The following DNAH5 variants were observed in gnomAD, a reference collection of about 807,000 sequenced individuals.
DNAH5 encodes the protein axonemal beta dynein heavy chain 5.
DNAH5 carries 372 observed loss-of-function variants against 518.2 expected under a neutral mutation model. That is an observed-to-expected ratio of 0.72 (90% CI 0.66 to 0.78). The LOEUF (loss-of-function observed/expected upper bound fraction) is 0.78, where lower values mean the gene tolerates loss of function less well. Among genes scored for constraint, DNAH5 ranks in the 30% least tolerant of loss-of-function variants. The pLI, the probability that DNAH5 is intolerant of heterozygous loss-of-function variation, is 0.00. For synonymous variants in DNAH5, 2,039 were observed against 2,025.9 expected, an observed-to-expected ratio of 1.01 and a Z score of -0.17; for missense variants, 5,523 against 5,687.0, an observed-to-expected ratio of 0.97 and a Z score of 0.93.
chr5:13,708,093 C>T (rs751290830), intron 76 of DNAH5, 30 bp downstream of exon 76: 1 of 1,603,664 alleles, frequency 6.2e-7, no homozygotes, highest in Non-Finnish European at 8.5e-7. Flanking sequence ...CATAAGTGAA[C>T]AGGCAGAATA....
intron 1 of DNAH5, among the ~76,000 whole-genome samples, chr5:13,993,411 G>T (rs899439970): frequency 3.9e-5 from 6 of 152,106 alleles, no homozygotes; most frequent in African/African-American, 1.4e-4. Context: ...CCTGAGAAAA[G>T]GGGACCCAAT....
chr5:13,945,322 T>C (rs1251618213), upstream of DNAH5, among the ~76,000 whole-genome samples: 1 of 152,202 alleles, frequency 6.6e-6, no homozygotes, highest in Non-Finnish European at 1.5e-5. Flanking sequence ...ATTTAGTCCT[T>C]GGAATTCACA....
intron 1 of DNAH5, among the ~76,000 whole-genome samples, chr5:13,980,684 T>G (rs902111232): frequency 6.6e-6 from 1 of 152,062 alleles, no homozygotes; most frequent in Non-Finnish European, 1.5e-5. Flanking sequence ...ACCCAAATGG[T>G]TCTATCTTTC....
chr5:13,717,540 GA>G lies in DNAH5; in HGVS notation c.12500-21del. ...TGACACCTGTTGTGGTCAGTTGGGTGAAAAATGTATCATCTCTCAAATGTCT... is the reference window on the plus strand; with the variant it reads ...TGACACCTGTTGTGGTCAGTTGGGTGAAAATGTATCATCTCTCAAATGTCT... On this transcript the variant is annotated intron_variant, in intron 72 of 78. Transcript: ENST00000265104. 2 of 1,594,736 alleles carry G rather than the reference GA, an allele frequency of 1.3e-6. No homozygotes were observed. Among genetic ancestry groups the G allele is most frequent in the African/African-American group, 1.3e-5 (1 of 74,652 alleles).
At chr5:13,953,002 CACAAG>C (rs981092972) in intron 1 of DNAH5, among the ~76,000 whole-genome samples, 4 of 152,228 alleles carry the variant, frequency 2.6e-5, no homozygotes, top group African/African-American at 9.7e-5. Flanking sequence ...AATGCGTTGT[CACAAG>C]ACAAATCTCT....
intron 47 of DNAH5, among the ~76,000 whole-genome samples, chr5:13,798,917 C>A (rs1031008284): frequency 6.6e-6 from 1 of 151,798 alleles, no homozygotes; most frequent in Non-Finnish European, 1.5e-5. Flanking sequence ...AGGTGCACAC[C>A]ACCACACCCT....
intron 32 of DNAH5, among the ~76,000 whole-genome samples, chr5:13,842,680 G>A (rs1214404706): frequency 2.0e-5 from 3 of 152,056 alleles, no homozygotes; most frequent in East Asian, 1.9e-4. Context: ...GTAGACAGAC[G>A]TGATCTACCA....
intron 11 of DNAH5, 119 bp from the exon 12 acceptor site, chr5:13,911,612 A>C: frequency 1.2e-6 from 1 of 834,556 alleles, no homozygotes. Context: ...AGTTTAAAGG[A>C]AGCCTTATTT....
At chr5:13,844,057 G>A (rs1435645743) in intron 32 of DNAH5, among the ~76,000 whole-genome samples, 1 of 152,194 alleles carries the variant, frequency 6.6e-6, no homozygotes, top group Admixed American at 6.5e-5. Flanking sequence ...TGCTTCGAAT[G>A]GAATAGCTCT....
chr5:14,005,666 G>A (rs192688686), intron 1 of DNAH5, among the ~76,000 whole-genome samples: 1 of 152,310 alleles, frequency 6.6e-6, no homozygotes, highest in East Asian at 1.9e-4. Context: ...CTTTTTGAAA[G>A]ACCAAAAATA....
intron 58 of DNAH5, among the ~76,000 whole-genome samples, chr5:13,767,539 T>TA (rs1752674705): frequency 6.6e-6 from 1 of 152,156 alleles, no homozygotes; most frequent in Admixed American, 6.5e-5. Flanking sequence ...TGCACAGTTA[T>TA]AAAAGAAAAG....
chr5:13,945,741 G>A (rs1779857643), upstream of DNAH5, among the ~76,000 whole-genome samples: 1 of 152,048 alleles, frequency 6.6e-6, no homozygotes, highest in Non-Finnish European at 1.5e-5. Flanking sequence ...TAGTAACTGG[G>A]ACTACAGGCA....
chr5:13,953,137 T>C (rs1240092160), intron 1 of DNAH5, among the ~76,000 whole-genome samples: 1 of 152,218 alleles, frequency 6.6e-6, no homozygotes, highest in Admixed American at 6.5e-5. Context: ...CTAAGAAGAC[T>C]AAATTATAGA....
intron 1 of DNAH5, among the ~76,000 whole-genome samples, chr5:13,953,126 G>C (rs1780541043): frequency 6.6e-6 from 1 of 152,120 alleles, no homozygotes; most frequent in Non-Finnish European, 1.5e-5. Context: ...TCATCTTATT[G>C]CTAAGAAGAC....
intron 60 of DNAH5, 71 bp downstream of exon 60, chr5:13,762,651 G>T: frequency 7.1e-7 from 1 of 1,416,242 alleles, no homozygotes; most frequent in Non-Finnish European, 9.9e-7. Context: ...ATGTGCTCCT[G>T]TAAAGATAAG....
At chr5:13,820,210 C>G (rs1762033954) in intron 41 of DNAH5, 136 bp downstream of exon 41, 3 of 982,020 alleles carry the variant, frequency 3.1e-6, no homozygotes, top group Non-Finnish European at 4.6e-6. Context: ...TAAAATGTTC[C>G]CAATAATTAA....
intron 76 of DNAH5, among the ~76,000 whole-genome samples, chr5:13,703,674 T>G (rs961395840): frequency 6.6e-6 from 1 of 152,172 alleles, no homozygotes; most frequent in African/African-American, 2.4e-5. Context: ...GGTGCCTTTT[T>G]TCCACTCCTA....
intron 45 of DNAH5, 65 bp downstream of exon 45, chr5:13,809,994 A>C: frequency 1.4e-6 from 2 of 1,409,468 alleles, no homozygotes; most frequent in Non-Finnish European, 9.8e-7. Context: ...TATATGGTGT[A>C]AATATTGGCC....
rs990989406 is a variant in DNAH5 at position 13,691,117 on chromosome 5, A to G, written c.*867T>C. The G allele has an allele frequency of 6.6e-6, 1 of 152,180 alleles. No individual in the cohort carries two copies. The highest frequency in any genetic ancestry group is 2.4e-5 in the African/African-American group (1 of 41,440). 9.4% of individuals were successfully genotyped at this position (152,180 alleles called of 1,614,324 possible). A position where few individuals can be genotyped will look rare whatever the true frequency, so the allele number is the denominator to read the frequency against. On this transcript the variant is annotated 3_prime_UTR_variant, in exon 79 of 79. Transcript: ENST00000265104. ...CTTAACCATAGCCTGACTATTGAAT[A>G]TTTATGATTTTTCCATTTTTTTCTG...
Sources: allele counts gnomAD v4.1 joint callset (sites outside exome capture counted in the v4.1 genomes callset), GRCh38; gene constraint gnomAD v4.1.1; transcripts MANE v1.5; gene names NCBI Gene and HGNC (gene_info 2026-07-23, HGNC 2026-07-21).